Variants in PRKG1 observed in about 807,000 individuals in gnomAD.
PRKG1 encodes the protein cGMP-dependent protein kinase 1.
In PRKG1, 35 loss-of-function variants were observed where a neutral mutation model predicts 88.1. The observed-to-expected ratio is 0.40, with a 90% CI of 0.30 to 0.53. The LOEUF (loss-of-function observed/expected upper bound fraction) is 0.53. Among genes scored for constraint, PRKG1 ranks in the 20% least tolerant of loss-of-function variants. PRKG1 has a pLI of 0.59. For synonymous variants in PRKG1, 303 were observed against 292.5 expected (o/e 1.04, Z -0.37); for missense variants, 540 against 839.8 (o/e 0.64, Z 4.41).
At chr10:51,752,159 A>G (rs562285658) in intron 3 of PRKG1, among the ~76,000 whole-genome samples, 2 of 152,262 alleles carry the variant, frequency 1.3e-5, no homozygotes, top group Admixed American at 6.5e-5. Context: ...TGTCCATCTC[A>G]TATATGCTAC....
intron 2 of PRKG1, among the ~76,000 whole-genome samples, chr10:51,436,607 TGA>T (rs1356413163): frequency 6.6e-6 from 1 of 152,054 alleles, no homozygotes; most frequent in Non-Finnish European, 1.5e-5. Context: ...ACAGAGGGAC[TGA>T]GAGCACACTA....
At chr10:52,196,886 T>A (rs1237991369) in intron 9 of PRKG1, among the ~76,000 whole-genome samples, 4 of 152,194 alleles carry the variant, frequency 2.6e-5, no homozygotes, top group African/African-American at 9.7e-5. Flanking sequence ...TGTATACTAA[T>A]TATGATATAG....
chr10:51,636,633 G>A (rs2073743419), intron 3 of PRKG1, among the ~76,000 whole-genome samples: 1 of 152,152 alleles, frequency 6.6e-6, no homozygotes, highest in Non-Finnish European at 1.5e-5. Context: ...TGAGCTTTGG[G>A]CACTTGGATA....
chr10:51,873,528 C>CT (rs10713819), intron 4 of PRKG1, among the ~76,000 whole-genome samples: 5,084 of 131,556 alleles, frequency 0.039, 335 homozygotes, highest in African/African-American at 0.13. Context: ...AATAAATAAT[C>CT]TTTTTTTTTT....
intron 12 of PRKG1, among the ~76,000 whole-genome samples, chr10:52,275,893 C>G (rs2132439809): frequency 6.6e-6 from 1 of 152,158 alleles, no homozygotes; most frequent in East Asian, 1.9e-4. Flanking sequence ...CTTTCAACTT[C>G]TTGGTTAGGT....
chr10:51,227,705 C>T (rs769721085), intron 2 of PRKG1, among the ~76,000 whole-genome samples: 13 of 152,070 alleles, frequency 8.5e-5, no homozygotes, highest in Admixed American at 6.6e-4. Context: ...TCAGCAACAG[C>T]GAAGGGAATT....
At chr10:52,253,214 A>G (rs1194510) in intron 10 of PRKG1, among the ~76,000 whole-genome samples, 108,778 of 151,734 alleles carry the variant, frequency 0.72, 42,321 homozygotes, top group Non-Finnish European at 0.89. Flanking sequence ...GGACAATAAA[A>G]CTACTATTTT....
At chr10:52,154,278 CA>C (rs1838025319) in intron 8 of PRKG1, among the ~76,000 whole-genome samples, 1 of 152,078 alleles carries the variant, frequency 6.6e-6, no homozygotes, top group Non-Finnish European at 1.5e-5. Flanking sequence ...CAGCTTTTAC[CA>C]AATGTTTCTC....
rs979261568 is a variant in PRKG1, at chr10:51,556,421, T to C, written c.592+88585T>C. On this transcript the variant is annotated intron_variant, in intron 3 of 17. Transcript: ENST00000373980. ...AATGATTTTTTGCATGGTATGATAC[T>C]TTTTTTTACACTCAAAGTATTCCTA... 2.7e-4 allele frequency among the ~76,000 whole-genome samples: 7 copies of C among 26,086 alleles called. No homozygotes were observed. The Admixed American group carries it at 3.4e-3, about 13-fold the overall frequency. 17.1% of individuals were successfully genotyped at this position (26,086 alleles called of 152,430 possible).
intron 2 of PRKG1, among the ~76,000 whole-genome samples, chr10:51,213,468 A>G (rs1162430442): frequency 6.6e-6 from 1 of 151,822 alleles, no homozygotes; most frequent in Non-Finnish European, 1.5e-5. Context: ...AAGTATAATA[A>G]TAAAAAAAAT....
At chr10:52,165,528 A>G (rs1045939558) in intron 9 of PRKG1, among the ~76,000 whole-genome samples, 5 of 152,226 alleles carry the variant, frequency 3.3e-5, no homozygotes, top group African/African-American at 1.2e-4. Context: ...GGATCACATT[A>G]TCTTGACCAT....
intron 3 of PRKG1, among the ~76,000 whole-genome samples, chr10:51,590,235 A>G (rs1327399801): frequency 6.6e-6 from 1 of 152,202 alleles, no homozygotes; most frequent in East Asian, 1.9e-4. Context: ...GAAAGCAGAA[A>G]AGCACCAGTT....
At chr10:51,738,348 T>C (rs10999171) in intron 3 of PRKG1, among the ~76,000 whole-genome samples, 4 of 151,970 alleles carry the variant, frequency 2.6e-5, no homozygotes, top group Admixed American at 1.3e-4. Flanking sequence ...GAAGGAAAGA[T>C]TGGAAATAGA....
chr10:51,590,594 C>T (rs915788892), intron 3 of PRKG1, among the ~76,000 whole-genome samples: 3 of 152,140 alleles, frequency 2.0e-5, no homozygotes, highest in Admixed American at 6.6e-5. Context: ...AAACTAATTG[C>T]TTAGCATAAA....
intron 3 of PRKG1, among the ~76,000 whole-genome samples, chr10:51,569,205 A>G (rs1430152716): frequency 1.3e-5 from 2 of 152,102 alleles, no homozygotes; most frequent in African/African-American, 4.8e-5. Flanking sequence ...ACTAGAAGAC[A>G]GTAGAGACTG....
At chr10:51,730,487 C>CT (rs1445993438) in intron 3 of PRKG1, among the ~76,000 whole-genome samples, 1 of 152,106 alleles carries the variant, frequency 6.6e-6, no homozygotes, top group African/African-American at 2.4e-5. Context: ...AAAAACATAG[C>CT]TTTTTTTCTT....
At chr10:51,274,212 A>G (rs531385376) in intron 2 of PRKG1, among the ~76,000 whole-genome samples, 14 of 152,306 alleles carry the variant, frequency 9.2e-5, no homozygotes, top group African/African-American at 2.9e-4. Flanking sequence ...CTTTGGAACT[A>G]CTACCTCAAA....
intron 2 of PRKG1, among the ~76,000 whole-genome samples, chr10:51,251,720 T>C (rs1223609141): frequency 1.3e-5 from 2 of 151,810 alleles, no homozygotes; most frequent in African/African-American, 2.4e-5. Context: ...ATACTTCTGA[T>C]ATAGAATTCT....
intron 7 of PRKG1, among the ~76,000 whole-genome samples, chr10:52,103,174 C>A (rs12414927): frequency 6.6e-6 from 1 of 152,136 alleles, no homozygotes; most frequent in African/African-American, 2.4e-5. Flanking sequence ...TCCCATGCCC[C>A]CCATCCTGAC....
Sources: allele counts gnomAD v4.1 joint callset (sites outside exome capture counted in the v4.1 genomes callset), GRCh38; gene constraint gnomAD v4.1.1; transcripts MANE v1.5; gene names NCBI Gene and HGNC (gene_info 2026-07-23, HGNC 2026-07-21).